Variants in PAK5 observed in about 807,000 individuals in gnomAD.
PAK5 encodes serine/threonine-protein kinase PAK 5.
A neutral mutation model predicts 65.9 loss-of-function variants in PAK5; 16 were observed. The observed-to-expected ratio is 0.24, with a 90% CI of 0.16 to 0.37. The LOEUF is 0.37. PAK5 is among the 10% of genes least tolerant of loss of function. The pLI is 1.00. For missense variants in PAK5, 785 were observed against 903.9 expected (o/e 0.87, Z 1.69); for synonymous variants, 371 against 354.9 (o/e 1.05, Z -0.51).
chr20:9,798,333 A>G (rs1462153786), intron 1 of PAK5, among the ~76,000 whole-genome samples: 2 of 152,138 alleles, frequency 1.3e-5, no homozygotes, highest in Non-Finnish European at 2.9e-5. Flanking sequence ...ATTAATGGGA[A>G]TAATTCAGTA....
chr20:9,591,401 A>G (rs2046168207), intron 3 of PAK5, among the ~76,000 whole-genome samples: 2 of 152,188 alleles, frequency 1.3e-5, no homozygotes, highest in Admixed American at 6.5e-5. Context: ...TTTGAGATAC[A>G]ATGAAAGAAA....
At position 9,689,401 on chromosome 20, in the gene PAK5, C is replaced by T. The variant is rs2047762479; in HGVS notation, c.-12+21885G>A. 2.6e-5 allele frequency among the ~76,000 whole-genome samples: 4 copies of T among 152,296 alleles called. No individual in the cohort carries two copies. In the South Asian group the frequency reaches 8.3e-4, roughly 32 times the overall value. ...TACGATGACTTCAATAGCAGATGGA[C>T]ACTCAATTGATTGCAAGCAGACTCT... On this transcript the variant is annotated intron_variant, in intron 2 of 9. Coordinates refer to ENST00000353224, the MANE Select transcript of PAK5 (RefSeq NM_177990.4).
At chr20:9,571,045 G>C (rs537330411) in intron 4 of PAK5, among the ~76,000 whole-genome samples, 1 of 152,170 alleles carries the variant, frequency 6.6e-6, no homozygotes, top group Non-Finnish European at 1.5e-5. Context: ...TGTCTTTCAC[G>C]GCTGCTGGTA....
At chr20:9,799,939 CAAAAAAA>C (rs71331383) in intron 1 of PAK5, among the ~76,000 whole-genome samples, 5,179 of 43,242 alleles carry the variant, frequency 0.12, 98 homozygotes, top group South Asian at 0.4. Context: ...ACTCTGTCTC[CAAAAAAA>C]AAAAAAAAAA....
chr20:9,559,382 A>G lies in PAK5; in HGVS notation c.1617-1648T>C, dbSNP rs537902140. On this transcript the variant is annotated intron_variant, in intron 6 of 9. Transcript: ENST00000353224. ...ATGAATGGCTTTGAATTTTCATTTC[A>G]GTTTAGTTGATGCTAGAAAATCCTG... 1.3e-4 allele frequency among the ~76,000 whole-genome samples: 20 copies of G among 152,322 alleles called. 1 individual carries two copies. The highest frequency in any genetic ancestry group is 3.9e-4 in the East Asian group (2 of 5,182).
chr20:9,709,396 A>G (rs2048050094), intron 2 of PAK5, among the ~76,000 whole-genome samples: 1 of 152,182 alleles, frequency 6.6e-6, no homozygotes, highest in Non-Finnish European at 1.5e-5. Context: ...TGAAAAGTCT[A>G]AAACCCCACC....
At chr20:9,769,746 G>A (rs2048812434) in intron 1 of PAK5, among the ~76,000 whole-genome samples, 1 of 152,170 alleles carries the variant, frequency 6.6e-6, no homozygotes. Context: ...GGATGGAATG[G>A]CTTCACCTTT....
intron 2 of PAK5, among the ~76,000 whole-genome samples, chr20:9,663,366 T>G (rs1323487167): frequency 6.6e-6 from 1 of 152,186 alleles, no homozygotes; most frequent in Non-Finnish European, 1.5e-5. Context: ...TGAAGCTGTG[T>G]CTAAGAGGTA....
At chr20:9,749,089 T>C (rs1249375163) in intron 1 of PAK5, among the ~76,000 whole-genome samples, 1 of 152,178 alleles carries the variant, frequency 6.6e-6, no homozygotes, top group Non-Finnish European at 1.5e-5. Context: ...GCTTTATTTG[T>C]ATGAATAATA....
In PAK5 at chr20:9,838,205, G is replaced by GCGCACA. The variant is rs150799392; in HGVS notation, c.-162+556_-162+557insTGTGCG. Among the ~76,000 whole-genome samples the GCGCACA allele has an allele frequency of 2.0e-5, 3 of 150,590 alleles. No individual in the cohort carries two copies. The highest frequency in any genetic ancestry group is 2.0e-4 in the East Asian group (1 of 5,008). On this transcript the variant is annotated intron_variant, in intron 1 of 9. Coordinates refer to ENST00000353224, the MANE Select transcript of PAK5 (RefSeq NM_177990.4). This position sits in a 1 kb window ranked among gnomAD's most constrained non-coding sequence, Gnocchi z 4.5. The stretch of plus-strand genomic sequence containing the variant: ...GGCGCGCGCGCACACACACACGCGC[G>GCGCACA]CACACACACACACACACAAATAACA...
chr20:9,730,180 T>C (rs961439162), intron 1 of PAK5, among the ~76,000 whole-genome samples: 2 of 151,888 alleles, frequency 1.3e-5, no homozygotes, highest in African/African-American at 2.4e-5. Context: ...TTATTTTTAT[T>C]AAATATATAA....
chr20:9,578,012 C>T (rs981935749), intron 4 of PAK5, among the ~76,000 whole-genome samples: 3 of 152,174 alleles, frequency 2.0e-5, no homozygotes, highest in Non-Finnish European at 4.4e-5. Flanking sequence ...CACCCTCGTT[C>T]TTCTGTCACT....
At chr20:9,687,049 C>T (rs2047728627) in intron 2 of PAK5, among the ~76,000 whole-genome samples, 1 of 152,304 alleles carries the variant, frequency 6.6e-6, no homozygotes, top group South Asian at 2.1e-4. Flanking sequence ...GGAGCCGCCC[C>T]CTCCTGAGAG....
At chr20:9,812,742 CT>C (rs2049312509) in intron 1 of PAK5, among the ~76,000 whole-genome samples, 3 of 152,126 alleles carry the variant, frequency 2.0e-5, no homozygotes, top group Admixed American at 2.0e-4. Context: ...AGATCTAATG[CT>C]CAGTAGCACA....
chr20:9,762,339 T>C (rs1882160465), intron 1 of PAK5, among the ~76,000 whole-genome samples: 1 of 152,108 alleles, frequency 6.6e-6, no homozygotes, highest in African/African-American at 2.4e-5. Flanking sequence ...TATGGAATAG[T>C]AGAACATATT....
At chr20:9,603,192 A>G (rs994167668) in intron 3 of PAK5, among the ~76,000 whole-genome samples, 3 of 152,226 alleles carry the variant, frequency 2.0e-5, no homozygotes, top group Non-Finnish European at 2.9e-5. Context: ...TGCCAATGAC[A>G]CAGTGACTTT....
At chr20:9,687,864 TGAA>T (rs1232390309) in intron 2 of PAK5, among the ~76,000 whole-genome samples, 1 of 150,590 alleles carries the variant, frequency 6.6e-6, no homozygotes, top group African/African-American at 2.5e-5. Context: ...AGTGCTTAGA[TGAA>T]GAGAAGTCAA....
At position 9,651,285 on chromosome 20, in the gene PAK5, C is replaced by T. The variant is rs576695292; in HGVS notation, c.-11-6946G>A. On this transcript the variant is annotated intron_variant, in intron 2 of 9. Transcript: ENST00000353224. The stretch of plus-strand genomic sequence containing the variant: ...CTAAGACATGAAAAGTGGCTTAGAT[C>T]TGTGTCTGGCTCCTAGCAAGTGCAA... 2.0e-5 allele frequency among the ~76,000 whole-genome samples: 3 copies of T among 152,294 alleles called. No individual in the cohort carries two copies. The South Asian group carries it at 6.2e-4, about 32-fold the overall frequency.
At chr20:9,651,563 C>T (rs751526056) in intron 2 of PAK5, among the ~76,000 whole-genome samples, 21 of 152,008 alleles carry the variant, frequency 1.4e-4, no homozygotes, top group African/African-American at 2.2e-4. Context: ...GATGGTCACA[C>T]GAAAGTGTGA....
Sources: gnomAD v4.1 joint callset for allele counts (sites outside exome capture counted in the v4.1 genomes callset) on GRCh38, gnomAD v4.1.1 for gene constraint, Gnocchi (gnomAD v3.1) non-coding constraint, MANE v1.5 for transcripts, NCBI Gene and HGNC (gene_info 2026-07-23, HGNC 2026-07-21) for gene names.